SMYD1: variants seen among roughly 807,000 people sequenced by gnomAD.
The protein encoded by SMYD1 is SET and MYND domain containing 1, also known as histone-lysine N-methyltransferase SMYD1.
In SMYD1, 49 loss-of-function variants were observed where a neutral mutation model predicts 54.0. That is an observed-to-expected ratio of 0.91 (90% CI 0.72 to 1.15). The LOEUF (loss-of-function observed/expected upper bound fraction) is 1.15, where lower values mean the gene tolerates loss of function less well. Ranked by LOEUF, SMYD1 falls within the 50% of genes most tolerant of loss-of-function variation. SMYD1 has a pLI of 0.00. For missense variants in SMYD1, 653 were observed against 639.6 expected, an observed-to-expected ratio of 1.02 and a Z score of -0.23; for synonymous variants, 269 against 234.2, an observed-to-expected ratio of 1.15 and a Z score of -1.36.
intron 4 of SMYD1, among the ~76,000 whole-genome samples, chr2:88,092,440 A>G (rs2103998021): frequency 6.6e-6 from 1 of 152,294 alleles, no homozygotes; most frequent in East Asian, 1.9e-4. Context: ...TATGACAGAT[A>G]CAAGCTGACT....
At chr2:88,077,780 G>A (rs1042288883) in intron 1 of SMYD1, among the ~76,000 whole-genome samples, 4 of 147,430 alleles carry the variant, frequency 2.7e-5, no homozygotes, top group Non-Finnish European at 5.9e-5. Flanking sequence ...CTAGAGTGCC[G>A]TGGCGTGATC....
chr2:88,111,470 G>T lies in SMYD1; in HGVS notation c.*958G>T, dbSNP rs1268455937. Reference sequence around the variant, plus strand: ...AATTGGCCCTTGGGGGCTTTATTTGGTTACATGTGCCTGGGTGGTCTTTAC... The same window carrying T: ...AATTGGCCCTTGGGGGCTTTATTTGTTTACATGTGCCTGGGTGGTCTTTAC... On this transcript the variant is annotated 3_prime_UTR_variant, in exon 10 of 10. Transcript: ENST00000419482. The T allele has an allele frequency of 6.6e-6, 1 of 152,300 alleles. No individual in the cohort carries two copies. The highest frequency in any genetic ancestry group is 1.5e-5 in the Non-Finnish European group (1 of 68,118). The allele number at this position is 152,300 out of a possible 1,614,324, so 9.4% of individuals were successfully genotyped here. A position where few individuals can be genotyped will look rare whatever the true frequency, so the allele number is the denominator to read the frequency against.
chr2:88,110,146 C>T (rs1674977301), intron 9 of SMYD1, among the ~76,000 whole-genome samples: 1 of 152,002 alleles, frequency 6.6e-6, no homozygotes, highest in South Asian at 2.1e-4. Context: ...GGTTCTGACT[C>T]CCTCTCCCTG....
chr2:88,111,932 C>A lies in SMYD1; in HGVS notation c.*1420C>A, dbSNP rs183904732. ...AGTAAATTGATCCCACCAGGTCCCA[C>A]GTTTGTTATCTCTGCCTAAATGTTA... On this transcript the variant is annotated 3_prime_UTR_variant, in exon 10 of 10. Coordinates refer to ENST00000419482, the MANE Select transcript of SMYD1 (RefSeq NM_198274.4). The A allele has an allele frequency of 7.8e-6, 5 of 643,006 alleles. No individual in the cohort carries two copies. The highest frequency in any genetic ancestry group is 1.4e-5 in the Non-Finnish European group (5 of 353,900). 39.8% of individuals were successfully genotyped at this position (643,006 alleles called of 1,614,324 possible).
rs754120017 is a variant in SMYD1 at position 88,110,444 on chromosome 2, C to A, written c.1405C>A (p.Gln469Lys). 2.1e-5 allele frequency: 34 copies of A among 1,607,926 alleles called. No individual in the cohort carries two copies. The highest frequency in any genetic ancestry group is 2.8e-5 in the Non-Finnish European group (33 of 1,177,142). Residue 469 changes from glutamine (Q) to lysine (K), a missense_variant, in exon 10 of 10, where the codon CAG becomes AAG. By Grantham distance (53) the Gln-to-Lys change is moderately conservative. Transcript: ENST00000419482. ...YKMREAALNN[Q>K]PMQVMAEPSN... The stretch of plus-strand genomic sequence containing the variant: ...GATGCGCGAGGCTGCCCTGAACAAC[C>A]AGCCCATGCAGGTCATGGCCGAGCC...
rs1206678226 is a variant in SMYD1, at chr2:88,103,106, T to C, written c.937T>C (p.Leu313=). ...KEMIQFSKDT[L]EKIDKARSEG... is the part of the protein sequence containing the mutation. ...GATGATACAATTCTCCAAGGATACA[T>C]TGGAAAAGATAGACAAGGCTCGTTC... is the stretch of plus-strand genomic sequence containing the variant. The change falls in exon 7 of 10, where the codon TTG becomes CTG. Residue 313 remains leucine (L), a synonymous_variant. Transcript: ENST00000419482. The C allele has an allele frequency of 1.2e-6, 2 of 1,613,982 alleles. No individual in the cohort carries two copies. Among genetic ancestry groups the C allele is most frequent in the East Asian group, 4.5e-5 (2 of 44,870 alleles).
At chr2:88,096,941 G>A (rs540171105) in intron 6 of SMYD1, among the ~76,000 whole-genome samples, 157 bp downstream of exon 6, 1 of 152,326 alleles carries the variant, frequency 6.6e-6, no homozygotes, top group East Asian at 1.9e-4. Flanking sequence ...GAGCACCGCA[G>A]GTAGGTCCCA....
intron 4 of SMYD1, among the ~76,000 whole-genome samples, chr2:88,092,325 C>T (rs1674481013): frequency 6.6e-6 from 1 of 152,116 alleles, no homozygotes; most frequent in Non-Finnish European, 1.5e-5. Context: ...GGAGAAGAAT[C>T]AGCAGATGGA....
intron 1 of SMYD1, among the ~76,000 whole-genome samples, chr2:88,071,289 T>C (rs185737969): frequency 6.6e-6 from 1 of 152,322 alleles, no homozygotes; most frequent in Admixed American, 6.5e-5. Context: ...ATATATGTGT[T>C]ATTTGGCTTT....
At chr2:88,103,027 A>G in intron 6 of SMYD1, 31 bp from the exon 7 acceptor site, 1 of 1,595,484 alleles carries the variant, frequency 6.3e-7, no homozygotes, top group Non-Finnish European at 8.6e-7. Context: ...TCATGAAGGC[A>G]TCTCTAGCTC....
In SMYD1 at chr2:88,108,544, G is replaced by A; in HGVS notation, c.1314+5G>A. On this transcript the variant is annotated splice_donor_5th_base_variant and intron_variant, in intron 9 of 9. Coordinates refer to ENST00000419482, the MANE Select transcript of SMYD1 (RefSeq NM_198274.4). ...CCCATCACTAAGGACTTAGAGGCAA[G>A]TAGCGTCTTGAGGCTGGTGTTCCCT... The A allele has an allele frequency of 3.2e-6, 5 of 1,573,044 alleles. No individual in the cohort carries two copies. The highest frequency in any genetic ancestry group is 2.4e-5 in the South Asian group (2 of 84,290).
intron 6 of SMYD1, among the ~76,000 whole-genome samples, chr2:88,101,306 A>G (rs1352305855): frequency 6.6e-6 from 1 of 152,258 alleles, no homozygotes; most frequent in African/African-American, 2.4e-5. Flanking sequence ...AAAAAATTGG[A>G]CAACCAGAGA....
At chr2:88,096,829 G>A (rs62156964) in intron 6 of SMYD1, 45 bp downstream of exon 6, 323,334 of 1,571,156 alleles carry the variant, frequency 0.21, 34,075 homozygotes, top group African/African-American at 0.29. Context: ...TGTCTTCTCC[G>A]GGAGCCAGTC....
intron 1 of SMYD1, among the ~76,000 whole-genome samples, chr2:88,082,864 G>A (rs1185191926): frequency 6.6e-6 from 1 of 152,150 alleles, no homozygotes; most frequent in Non-Finnish European, 1.5e-5. Context: ...ACAGGAGCAG[G>A]TTTTCTGGGG....
intron 6 of SMYD1, among the ~76,000 whole-genome samples, chr2:88,098,402 C>T (rs1395213197): frequency 6.6e-6 from 1 of 152,076 alleles, no homozygotes; most frequent in Non-Finnish European, 1.5e-5. Flanking sequence ...ACACACATCT[C>T]CAGTATGAAT....
In SMYD1 at chr2:88,067,954, A is replaced by C. The variant is rs1673866183; in HGVS notation, c.90A>C (p.Ala30=). 6.2e-7 allele frequency: 1 copy of C among 1,613,990 alleles called. No homozygotes were observed. Among genetic ancestry groups the C allele is most frequent in the African/African-American group, 1.3e-5 (1 of 75,040 alleles). ...GLKATKEFWA[A]DIIFAERAYS... is the part of the protein sequence containing the mutation. The stretch of plus-strand genomic sequence containing the variant: ...AGGCCACCAAGGAGTTCTGGGCTGC[A>C]GATATCATCTTTGCTGAGCGGGCTT... The change falls in exon 1 of 10, where the codon GCA becomes GCC. Residue 30 remains alanine, a synonymous_variant. Transcript: ENST00000419482.
intron 8 of SMYD1, among the ~76,000 whole-genome samples, chr2:88,107,307 G>C (rs974495970): frequency 1.3e-5 from 2 of 152,164 alleles, no homozygotes; most frequent in Non-Finnish European, 2.9e-5. Context: ...GGCCAAATAA[G>C]TTGACACACG....
intron 1 of SMYD1, among the ~76,000 whole-genome samples, chr2:88,070,251 T>C (rs1673916295): frequency 1.3e-5 from 2 of 152,128 alleles, no homozygotes; most frequent in African/African-American, 4.8e-5. Flanking sequence ...AGGCTCCTGG[T>C]GAGGCTCAGC....
rs1366714288 is a variant in SMYD1 at position 88,106,461 on chromosome 2, A to G, written c.1118A>G (p.Tyr373Cys). Residue 373 changes from tyrosine (Y) to cysteine (C), a missense_variant, in exon 8 of 10, where the codon TAT becomes TGT. Tyr to Cys is a radical substitution (Grantham distance 194). Transcript: ENST00000419482. ...CAGGCCTTTGAGGAGGCCTCGTTCT[A>G]TGCCAGGAGGATGGTGGACGGCTAT... Reference protein sequence around the residue: ...YLQAFEEASFYARRMVDGYMK... With the variant: ...YLQAFEEASFCARRMVDGYMK... 1 of 1,614,084 alleles carries G rather than the reference A, an allele frequency of 6.2e-7. No homozygotes were observed. The highest frequency in any genetic ancestry group is 8.5e-7 in the Non-Finnish European group (1 of 1,179,984).
Sources: gnomAD v4.1 joint callset for allele counts (sites outside exome capture counted in the v4.1 genomes callset) on GRCh38, gnomAD v4.1.1 for gene constraint, MANE v1.5 for transcripts, NCBI Gene and HGNC (gene_info 2026-07-23, HGNC 2026-07-21) for gene names.